MXRA5: variants seen among roughly 807,000 people sequenced by gnomAD.
MXRA5 encodes matrix-remodeling-associated protein 5.
A neutral mutation model predicts 112.5 loss-of-function variants in MXRA5; 41 were observed. The observed-to-expected ratio is 0.36, with a 90% CI of 0.28 to 0.47. The LOEUF (loss-of-function observed/expected upper bound fraction) is 0.47. Among genes scored for constraint, MXRA5 ranks in the 20% least tolerant of loss-of-function variants. The probability of loss-of-function intolerance (pLI) is 0.99; values close to 1 mark genes in which losing one functional copy is unlikely to be tolerated. For missense variants in MXRA5, 2,150 were observed against 2,251.0 expected, an observed-to-expected ratio of 0.96 and a Z score of 0.91; for synonymous variants, 862 against 900.8, an observed-to-expected ratio of 0.96 and a Z score of 0.77.
chrX:3,317,343 G>T lies in MXRA5; in HGVS notation c.6338C>A (p.Ala2113Glu), dbSNP rs1174920814. 8.3e-7 allele frequency: 1 copy of T among 1,209,093 alleles called. No individual in the cohort carries two copies. The highest frequency in any genetic ancestry group is 2.2e-5 in the Admixed American group (1 of 45,953). Residue 2113 changes from alanine to glutamate, a missense_variant, in exon 6 of 7, where the codon GCG (alanine) becomes GAG (glutamate). Physicochemically the swap from Ala to Glu is moderately radical, Grantham distance 107. This residue lies in a region of MXRA5 where 1,485 missense variants were observed against 1,471.6 expected (regional missense o/e 1.01). Transcript: ENST00000217939. The part of the protein sequence containing the change: ...PNGTLYIRNL[A>E]PKDSGRYECV... ...CTCATAGCGCCCGCTGTCCTTGGGC[G>T]CGAGGTTGCGGATGTAGAGCGTCCC...
chrX:3,334,508 G>A (rs944347800), intron 2 of MXRA5, among the ~76,000 whole-genome samples: 5 of 111,263 alleles, frequency 4.5e-5, no homozygotes, highest in African/African-American at 1.6e-4. Context: ...CACCAAGGCT[G>A]ATACCAGGGA....
intron 1 of MXRA5, among the ~76,000 whole-genome samples, chrX:3,344,331 T>C (rs1922058792): frequency 8.9e-6 from 1 of 112,476 alleles, no homozygotes; most frequent in South Asian, 3.6e-4. Flanking sequence ...TTTCCTTTAA[T>C]GATATTTTTC....
intron 1 of MXRA5, among the ~76,000 whole-genome samples, chrX:3,345,478 G>C (rs935383897): frequency 8.9e-6 from 1 of 112,985 alleles, no homozygotes; most frequent in African/African-American, 3.2e-5. Context: ...CCAGCGTCCT[G>C]TGCCTGCGGG....
At chrX:3,341,216 T>C (rs866951446) in intron 2 of MXRA5, among the ~76,000 whole-genome samples, 776 of 41,557 alleles carry the variant, frequency 0.019, 12 homozygotes, top group Non-Finnish European at 0.027. Context: ...TATATAATAA[T>C]ATATATAATG....
intron 2 of MXRA5, among the ~76,000 whole-genome samples, chrX:3,334,150 T>C (rs1921733267): frequency 1.8e-5 from 2 of 111,050 alleles, no homozygotes; most frequent in Non-Finnish European, 3.8e-5. Flanking sequence ...CCTGGCTAAT[T>C]TTTGTATTTT....
intron 2 of MXRA5, among the ~76,000 whole-genome samples, chrX:3,333,472 C>G (rs1168389267): frequency 9.1e-6 from 1 of 110,302 alleles, no homozygotes; most frequent in Non-Finnish European, 1.9e-5. Context: ...AAGATGGGAA[C>G]TTAAATATTC....
At position 3,317,322 on chromosome X, in the gene MXRA5, T is replaced by C. The variant is rs376703007; in HGVS notation, c.6359A>G (p.Tyr2120Cys). The change falls in exon 6 of 7, where the codon TAT becomes TGT. Residue 2120 changes from tyrosine (Y) to cysteine (C), a missense_variant. Physicochemically the swap from Tyr to Cys is radical, Grantham distance 194. Transcript: ENST00000217939. ...RNLAPKDSGR[Y>C]ECVAANLVGS... ...TACCAGGTTGGCGGCCACGCACTCATAGCGCCCGCTGTCCTTGGGCGCGAG... is the reference window on the plus strand; with the variant it reads ...TACCAGGTTGGCGGCCACGCACTCACAGCGCCCGCTGTCCTTGGGCGCGAG... The C allele has an allele frequency of 2.5e-6, 3 of 1,206,402 alleles. No homozygotes were observed. The highest frequency in any genetic ancestry group is 3.5e-5 in the African/African-American group (2 of 57,669).
chrX:3,337,337 T>C (rs1390404763), intron 2 of MXRA5, among the ~76,000 whole-genome samples: 1 of 112,148 alleles, frequency 8.9e-6, no homozygotes, highest in Non-Finnish European at 1.9e-5. Flanking sequence ...TTGTTCTCTA[T>C]AGAGATGATG....
Position 3,311,615 on chromosome X carries a change from G to A in MXRA5, c.6588C>T (p.Ser2196=). Residue 2196 remains serine (S), a synonymous_variant, in exon 7 of 7, where the codon AGC becomes AGT. Transcript: ENST00000217939. The part of the protein sequence containing the change: ...RMIDALFSFD[S]RIKVFANGTL... Reference sequence around the variant, plus strand: ...TCCCATTGGCAAACACCTTGATTCTGCTATCAAAACTACAGAAAAAAAGAA... The same window carrying A: ...TCCCATTGGCAAACACCTTGATTCTACTATCAAAACTACAGAAAAAAAGAA... The A allele has an allele frequency of 2.5e-6, 3 of 1,205,612 alleles. No individual in the cohort carries two copies. Among genetic ancestry groups the A allele is most frequent in the Non-Finnish European group, 3.4e-6 (3 of 891,690 alleles).
intron 2 of MXRA5, among the ~76,000 whole-genome samples, chrX:3,339,162 T>A (rs1425074570): frequency 2.7e-5 from 3 of 111,532 alleles, no homozygotes; most frequent in Non-Finnish European, 5.6e-5. Context: ...TAAATTCCCC[T>A]TTCAGGAAGG....
intron 2 of MXRA5, among the ~76,000 whole-genome samples, chrX:3,335,443 C>G (rs1401588173): frequency 1.8e-5 from 2 of 112,333 alleles, no homozygotes; most frequent in East Asian, 5.6e-4. Flanking sequence ...GTGATCTGCC[C>G]GCCTCGGCCT....
Position 3,324,886 on chromosome X carries a change from T to A in MXRA5, c.799A>T (p.Ile267Leu). Residue 267 changes from isoleucine to leucine, a missense_variant, in exon 5 of 7, where the codon ATA (isoleucine) becomes TTA (leucine). By Grantham distance (5) the Ile-to-Leu change is conservative. Transcript: ENST00000217939. Reference protein sequence around the residue: ...FSPKKLYKHEIHKLKDMTCLK... With the variant: ...FSPKKLYKHELHKLKDMTCLK... ...CAAGTCATGTCCTTCAGCTTGTGTA[T>A]CTCATGTTTGTACAACTTCTTTGGA... 8.3e-7 allele frequency: 1 copy of A among 1,211,369 alleles called. No homozygotes were observed. The highest frequency in any genetic ancestry group is 1.1e-6 in the Non-Finnish European group (1 of 895,496).
At chrX:3,345,060 G>A (rs1293246072) in intron 1 of MXRA5, among the ~76,000 whole-genome samples, 3 of 111,898 alleles carry the variant, frequency 2.7e-5, no homozygotes, top group African/African-American at 9.7e-5. Flanking sequence ...TTGAATCCGG[G>A]AGGCAGAGGT....
intron 2 of MXRA5, among the ~76,000 whole-genome samples, chrX:3,331,556 G>A (rs1921663488): frequency 8.9e-6 from 1 of 111,929 alleles, no homozygotes; most frequent in Non-Finnish European, 1.9e-5. Flanking sequence ...ACAGCTCCAT[G>A]CTAAAGGCCA....
Position 3,310,699 on chromosome X carries a change from A to C in MXRA5, c.7504T>G (p.Ser2502Ala), listed in dbSNP as rs1389769521. ...GNRITVHGNG[S>A]LDIRSLRKSD... is the part of the protein sequence containing the mutation. Reference sequence around the variant, plus strand: ...TTCCTCAAACTCCTGATGTCCAGGGAACCGTTGCCATGGACAGTGATCCGG... The same window carrying C: ...TTCCTCAAACTCCTGATGTCCAGGGCACCGTTGCCATGGACAGTGATCCGG... Residue 2502 changes from serine (S) to alanine (A), a missense_variant, in exon 7 of 7, where the codon TCC becomes GCC. Physicochemically the swap from Ser to Ala is moderately conservative, Grantham distance 99. Coordinates refer to ENST00000217939, the MANE Select transcript of MXRA5 (RefSeq NM_015419.4). The C allele has an allele frequency of 1.7e-6, 2 of 1,192,613 alleles. No homozygotes were observed. The highest frequency in any genetic ancestry group is 2.3e-6 in the Non-Finnish European group (2 of 886,874).
At chrX:3,329,610 C>T (rs1921615193) in intron 4 of MXRA5, among the ~76,000 whole-genome samples, 1 of 111,490 alleles carries the variant, frequency 9.0e-6, no homozygotes, top group Non-Finnish European at 1.9e-5. Context: ...TGTAGCCACT[C>T]CTCTCACCAG....
At chrX:3,345,797 G>C (rs1303082209) in intron 1 of MXRA5, among the ~76,000 whole-genome samples, 1 of 113,130 alleles carries the variant, frequency 8.8e-6, no homozygotes, top group African/African-American at 3.2e-5. Context: ...GGCTTCCAGA[G>C]TCCGCTGGGT....
At chrX:3,325,788 A>C (rs1441024233) in intron 4 of MXRA5, among the ~76,000 whole-genome samples, 1 of 102,969 alleles carries the variant, frequency 9.7e-6, no homozygotes, top group African/African-American at 3.5e-5. Context: ...ATAACAATAT[A>C]TAAATTTATA....
chrX:3,310,815 A>T lies in MXRA5; in HGVS notation c.7388T>A (p.Leu2463Gln). ...REIAAGGSRK[L>Q]IDCKAEGIPT... ...GATGCCTTCAGCTTTGCAGTCAATCAGTTTCCGACTGCCCCCGGCTGCTAT... is the reference window on the plus strand; with the variant it reads ...GATGCCTTCAGCTTTGCAGTCAATCTGTTTCCGACTGCCCCCGGCTGCTAT... The change falls in exon 7 of 7, where the codon CTG becomes CAG. Residue 2463 changes from leucine to glutamine, a missense_variant. Physicochemically the swap from Leu to Gln is moderately radical, Grantham distance 113. Transcript: ENST00000217939. The T allele has an allele frequency of 2.5e-6, 3 of 1,208,959 alleles. No homozygotes were observed. The East Asian group carries it at 8.9e-5, about 36-fold the overall frequency.
Sources: allele counts gnomAD v4.1 joint callset (sites outside exome capture counted in the v4.1 genomes callset), GRCh38; gene constraint gnomAD v4.1.1; regional missense constraint gnomAD v4.1.1; transcripts MANE v1.5; gene names NCBI Gene and HGNC (gene_info 2026-07-23, HGNC 2026-07-21).